Variants in TRIM33 observed in about 807,000 individuals in gnomAD.
TRIM33 encodes the protein E3 ubiquitin-protein ligase TRIM33.
A neutral mutation model predicts 125.4 loss-of-function variants in TRIM33; 20 were observed. That is an observed-to-expected ratio of 0.16 (90% CI 0.11 to 0.23). The LOEUF (loss-of-function observed/expected upper bound fraction) is 0.23, where lower values mean the gene tolerates loss of function less well. TRIM33 is among the 10% of genes least tolerant of loss of function. The pLI is 1.00. For synonymous variants in TRIM33, 564 were observed against 513.9 expected (o/e 1.10, Z -1.32); for missense variants, 920 against 1,411.4 (o/e 0.65, Z 5.58).
chr1:114,403,590 C>T (rs944156834), intron 15 of TRIM33, among the ~76,000 whole-genome samples: 1 of 151,890 alleles, frequency 6.6e-6, no homozygotes, highest in Non-Finnish European at 1.5e-5. Context: ...GGCTGGAGTA[C>T]ACAGTGGCAC....
At chr1:114,403,382 T>C (rs1468184088) in intron 15 of TRIM33, among the ~76,000 whole-genome samples, 1 of 151,902 alleles carries the variant, frequency 6.6e-6, no homozygotes, top group Non-Finnish European at 1.5e-5. Flanking sequence ...ATATACCTCC[T>C]TTTTTTTGGA....
chr1:114,427,088 G>C, intron 8 of TRIM33, 89 bp downstream of exon 8: 2 of 615,630 alleles, frequency 3.2e-6, no homozygotes, highest in South Asian at 5.0e-5. Flanking sequence ...GTTTTATAAA[G>C]TTAAAAATTT....
intron 4 of TRIM33, among the ~76,000 whole-genome samples, chr1:114,442,091 A>G (rs982937907): frequency 1.3e-5 from 2 of 152,210 alleles, no homozygotes; most frequent in African/African-American, 2.4e-5. Flanking sequence ...GCAAGGACAG[A>G]GCACATTTTT....
chr1:114,410,712 T>C (rs1430882336), intron 11 of TRIM33, among the ~76,000 whole-genome samples: 2 of 152,080 alleles, frequency 1.3e-5, no homozygotes, highest in African/African-American at 4.8e-5. Context: ...TACCCAGCTC[T>C]GAAACTCTGA....
In TRIM33 at chr1:114,407,055, G is replaced by T. The variant is rs1046216268; in HGVS notation, c.2304C>A (p.Phe768Leu). 3 of 1,613,742 alleles carry T rather than the reference G, an allele frequency of 1.9e-6. No homozygotes were observed. In the African/African-American group the frequency reaches 4.0e-5, roughly 22 times the overall value. ...GRTAEKTSLS[F>L]KSDQVKVKQE... ...GCTTGACCTTCACCTGATCAGATTT[G>T]AAACTAAGACTTGTCTTCTCAGCAG... The change falls in exon 14 of 20, where the codon TTC becomes TTA. Residue 768 changes from phenylalanine (F) to leucine (L), a missense_variant. Physicochemically the swap from Phe to Leu is conservative, Grantham distance 22. Transcript: ENST00000358465.
intron 6 of TRIM33, among the ~76,000 whole-genome samples, chr1:114,430,570 G>A (rs1395935800): frequency 6.6e-6 from 1 of 152,132 alleles, no homozygotes; most frequent in African/African-American, 2.4e-5. Flanking sequence ...TTTCTAAGAG[G>A]ACATCACTAT....
In TRIM33 at chr1:114,464,361, C is replaced by A; in HGVS notation, c.554G>T (p.Arg185Leu). The A allele has an allele frequency of 2.5e-6, 4 of 1,607,196 alleles. No homozygotes were observed. The highest frequency in any genetic ancestry group is 3.4e-6 in the Non-Finnish European group (4 of 1,176,624). Residue 185 changes from arginine to leucine, a missense_variant, in exon 2 of 20, where the codon CGC becomes CTC. By Grantham distance (102) the Arg-to-Leu change is moderately radical. Transcript: ENST00000358465. ...AAGGTCTATCTGTCTGCATTCTTGGCGGCATACTGGGCACCGTATTACACC... is the reference window on the plus strand; with the variant it reads ...AAGGTCTATCTGTCTGCATTCTTGGAGGCATACTGGGCACCGTATTACACC... Reference protein sequence around the residue: ...QVGVIRCPVCRQECRQIDLVD... With the variant: ...QVGVIRCPVCLQECRQIDLVD...
chr1:114,420,569 C>T (rs1653221066), intron 11 of TRIM33: 1 of 486,906 alleles, frequency 2.1e-6, no homozygotes, highest in Non-Finnish European at 3.9e-6. Context: ...CCTTCAATTC[C>T]CCAGAACTTT....
intron 1 of TRIM33, among the ~76,000 whole-genome samples, chr1:114,470,795 A>G (rs1023421479): frequency 2.0e-5 from 3 of 152,182 alleles, no homozygotes; most frequent in African/African-American, 4.8e-5. Context: ...ATGCAAAGGA[A>G]AAGTTTTGTG....
intron 16 of TRIM33, 86 bp from the exon 17 acceptor site, chr1:114,401,549 G>C: frequency 8.9e-7 from 1 of 1,126,716 alleles, no homozygotes; most frequent in Non-Finnish European, 1.3e-6. Context: ...TCACAACAAA[G>C]TTTGATTACA....
intron 4 of TRIM33, among the ~76,000 whole-genome samples, chr1:114,452,236 C>G (rs1186392432): frequency 6.6e-6 from 1 of 151,932 alleles, no homozygotes; most frequent in African/African-American, 2.4e-5. Flanking sequence ...CACTGGTGGG[C>G]GGATCACGAG....
intron 12 of TRIM33, 22 bp from the exon 13 acceptor site, chr1:114,408,762 T>C: frequency 6.8e-7 from 1 of 1,465,218 alleles, no homozygotes; most frequent in Non-Finnish European, 9.5e-7. Context: ...TAAGTCAAAA[T>C]GAATATCAAT....
intron 1 of TRIM33, chr1:114,468,704 T>C: frequency 2.2e-6 from 1 of 445,316 alleles, no homozygotes; most frequent in South Asian, 1.7e-5. Flanking sequence ...AAAAGAAGAA[T>C]GTCAAGTTCC....
At chr1:114,421,738 A>C (rs1017386716) in intron 10 of TRIM33, 102 bp from the exon 11 acceptor site, 55 of 1,113,772 alleles carry the variant, frequency 4.9e-5, no homozygotes, top group Admixed American at 1.1e-4. Flanking sequence ...AGAAGAAACA[A>C]AGAAGTGGGC....
At chr1:114,492,969 T>C (rs781394934) in intron 1 of TRIM33, among the ~76,000 whole-genome samples, 3 of 152,198 alleles carry the variant, frequency 2.0e-5, no homozygotes, top group Non-Finnish European at 4.4e-5. Flanking sequence ...ATGTTTAACT[T>C]TCTGAGGAAC....
At chr1:114,468,395 G>A (rs937537569) in intron 1 of TRIM33, 9 of 343,492 alleles carry the variant, frequency 2.6e-5, no homozygotes. Flanking sequence ...AGTTAGAGGA[G>A]GAAGGGGATA....
In TRIM33 at chr1:114,511,095, GC is replaced by G. The variant is rs1653341406; in HGVS notation, c.-20del. On this transcript the variant is annotated 5_prime_UTR_variant, in exon 1 of 20. Coordinates refer to ENST00000358465, the MANE Select transcript of TRIM33 (RefSeq NM_015906.4). ...CCGCCATGTTTTCCTCTTTGAACCC[GC>G]CGGACCGCCCCGCGCCGCCCGCCGC... 1 of 1,183,110 alleles carries G rather than the reference GC, an allele frequency of 8.5e-7. No homozygotes were observed. The highest frequency in any genetic ancestry group is 1.0e-6 in the Non-Finnish European group (1 of 959,490). The allele number at this position is 1,183,110 out of a possible 1,614,324, so 73.3% of individuals were successfully genotyped here. A position where few individuals can be genotyped will look rare whatever the true frequency, so the allele number is the denominator to read the frequency against.
chr1:114,484,869 A>G (rs1651576419), intron 1 of TRIM33, among the ~76,000 whole-genome samples: 1 of 151,870 alleles, frequency 6.6e-6, no homozygotes, highest in African/African-American at 2.4e-5. Flanking sequence ...CACCTCCAAA[A>G]ATAAAAATAA....
chr1:114,437,969 A>G (rs923364124), intron 4 of TRIM33, among the ~76,000 whole-genome samples: 20 of 152,270 alleles, frequency 1.3e-4, no homozygotes, highest in African/African-American at 4.6e-4. Flanking sequence ...AGTGGCCCAC[A>G]CCTGTAAGTC....
Sources: gnomAD v4.1 joint callset for allele counts (sites outside exome capture counted in the v4.1 genomes callset) on GRCh38, gnomAD v4.1.1 for gene constraint, MANE v1.5 for transcripts, NCBI Gene and HGNC (gene_info 2026-07-23, HGNC 2026-07-21) for gene names.